IL1RAPL1: variants seen among roughly 807,000 people sequenced by gnomAD.
The protein encoded by IL1RAPL1 is interleukin 1 receptor accessory protein like 1.
Under a neutral mutation model 48.4 loss-of-function variants are expected in IL1RAPL1, and 3 were observed. That is an observed-to-expected ratio of 0.06 (90% CI 0.03 to 0.16). The LOEUF (loss-of-function observed/expected upper bound fraction) is 0.16, where lower values mean the gene tolerates loss of function less well. Among genes scored for constraint, IL1RAPL1 ranks in the 10% least tolerant of loss-of-function variants. IL1RAPL1 has a pLI of 1.00. For missense variants in IL1RAPL1, 349 were observed against 530.6 expected (o/e 0.66, Z 3.36); for synonymous variants, 185 against 187.7 (o/e 0.99, Z 0.12).
chrX:29,679,646 T>TA (rs557925499), intron 6 of IL1RAPL1, among the ~76,000 whole-genome samples: 9 of 111,972 alleles, frequency 8.0e-5, no homozygotes, highest in East Asian at 2.8e-4. Context: ...ATTATTATTT[T>TA]AAAAAAAACC....
chrX:29,538,094 G>A (rs939978160), intron 5 of IL1RAPL1, among the ~76,000 whole-genome samples: 1 of 108,434 alleles, frequency 9.2e-6, no homozygotes, highest in African/African-American at 3.3e-5. Flanking sequence ...GAGATAGCTG[G>A]GAAAATAGTT....
At chrX:29,569,043 C>T (rs1007905772) in intron 5 of IL1RAPL1, among the ~76,000 whole-genome samples, 6 of 111,045 alleles carry the variant, frequency 5.4e-5, no homozygotes, top group Non-Finnish European at 9.5e-5. Context: ...GCAATTTATG[C>T]CCTCCCTTCT....
At position 28,814,341 on chromosome X, in the gene IL1RAPL1, T is replaced by TTGTGTGTGTGTG. The variant is rs753090480; in HGVS notation, c.82+24944_82+24955dup. On this transcript the variant is annotated intron_variant, in intron 2 of 10. Coordinates refer to ENST00000378993, the MANE Select transcript of IL1RAPL1 (RefSeq NM_014271.4). Reference sequence around the variant, plus strand: ...TATTCCTTTGGGGCAATTTTCAGGTTTGTGTGTGTGTGTGTGTGTGTGTGT... The same window carrying TTGTGTGTGTGTG: ...TATTCCTTTGGGGCAATTTTCAGGTTTGTGTGTGTGTGTGTGTGTGTGTGTGTGTGTGTGTGT... Among the ~76,000 whole-genome samples, 467 of 89,659 alleles carry TTGTGTGTGTGTG rather than the reference T, an allele frequency of 5.2e-3. 3 individuals are homozygous for TTGTGTGTGTGTG. Among genetic ancestry groups the TTGTGTGTGTGTG allele is most frequent in the Non-Finnish European group, 7.3e-3 (330 of 45,403 alleles). 77.9% of individuals were successfully genotyped at this position (89,659 alleles called of 115,157 possible).
chrX:29,856,842 A>G (rs751787085), intron 6 of IL1RAPL1, among the ~76,000 whole-genome samples: 61 of 112,256 alleles, frequency 5.4e-4, no homozygotes, highest in Admixed American at 1.5e-3. Flanking sequence ...GCATAAGTGT[A>G]TATTGCATTA....
intron 1 of IL1RAPL1, among the ~76,000 whole-genome samples, chrX:28,665,391 TTAAAA>T (rs1569148051): frequency 8.9e-6 from 1 of 112,401 alleles, no homozygotes; most frequent in Non-Finnish European, 1.9e-5. Context: ...TATATTTATA[TTAAAA>T]TAAAATTACT....
chrX:29,868,427 G>C (rs1446403750), intron 6 of IL1RAPL1, among the ~76,000 whole-genome samples: 1 of 111,994 alleles, frequency 8.9e-6, no homozygotes, highest in East Asian at 2.8e-4. Context: ...CTTTTACACT[G>C]TGAGGCACCC....
chrX:29,293,560 T>C (rs1008166240), intron 3 of IL1RAPL1, among the ~76,000 whole-genome samples: 1 of 111,977 alleles, frequency 8.9e-6, no homozygotes, highest in African/African-American at 3.2e-5. Context: ...TGAGATTTTA[T>C]GTAGTCTTTT....
chrX:29,642,715 C>A (rs974170997), intron 5 of IL1RAPL1, among the ~76,000 whole-genome samples: 2 of 112,160 alleles, frequency 1.8e-5, no homozygotes, highest in African/African-American at 6.5e-5. Flanking sequence ...AGGCTCTAGA[C>A]CAATCATTTC....
At chrX:29,588,796 T>C (rs1923269993) in intron 5 of IL1RAPL1, among the ~76,000 whole-genome samples, 1 of 112,209 alleles carries the variant, frequency 8.9e-6, no homozygotes, top group Non-Finnish European at 1.9e-5. Context: ...TCTGGTAAGT[T>C]ATATTAATGT....
At chrX:29,158,682 G>A (rs936707991) in intron 2 of IL1RAPL1, among the ~76,000 whole-genome samples, 10 of 111,020 alleles carry the variant, frequency 9.0e-5, no homozygotes, top group African/African-American at 1.6e-4. Flanking sequence ...ACCTGGGCTG[G>A]TGCTGATATT....
chrX:28,686,997 T>G, intron 1 of IL1RAPL1, among the ~76,000 whole-genome samples: 1 of 112,306 alleles, frequency 8.9e-6, no homozygotes, highest in South Asian at 3.7e-4. Flanking sequence ...TTTTAGAGCT[T>G]ATAAAGAAAC....
chrX:29,172,589 AC>A (rs1363026549), intron 2 of IL1RAPL1, among the ~76,000 whole-genome samples: 1 of 111,999 alleles, frequency 8.9e-6, no homozygotes, highest in African/African-American at 3.2e-5. Flanking sequence ...CTAATACAAT[AC>A]AATTAACATG....
chrX:29,031,467 G>A (rs1380947514), intron 2 of IL1RAPL1, among the ~76,000 whole-genome samples: 1 of 111,926 alleles, frequency 8.9e-6, no homozygotes, highest in Non-Finnish European at 1.9e-5. Flanking sequence ...GGAAGATGGA[G>A]AAGAGTGGTC....
At chrX:29,373,821 AT>A (rs200069550) in intron 3 of IL1RAPL1, among the ~76,000 whole-genome samples, 1 of 42,012 alleles carries the variant, frequency 2.4e-5, no homozygotes, top group South Asian at 7.4e-4. Context: ...ATTTGTTTTT[AT>A]TTTTTTTAAT....
rs191909682 is a variant in IL1RAPL1 at position 29,274,128 on chromosome X, C to T, written c.83-8810C>T. ...CTATGAAAATGAAGAAGTACTAAACCGATAACATGGATGGATATTATTATA... is the reference window on the plus strand; with the variant it reads ...CTATGAAAATGAAGAAGTACTAAACTGATAACATGGATGGATATTATTATA... On this transcript the variant is annotated intron_variant, in intron 2 of 10. Transcript: ENST00000378993. 8.4e-3 allele frequency among the ~76,000 whole-genome samples: 931 copies of T among 110,638 alleles called. 12 individuals are homozygous for T. The highest frequency in any genetic ancestry group is 0.029 in the African/African-American group (894 of 30,392).
chrX:29,544,649 T>C (rs766811198), intron 5 of IL1RAPL1, among the ~76,000 whole-genome samples: 14 of 111,461 alleles, frequency 1.3e-4, no homozygotes, highest in Admixed American at 2.9e-4. Context: ...AGCAATATGT[T>C]TTAATTGCCT....
intron 1 of IL1RAPL1, among the ~76,000 whole-genome samples, chrX:28,706,836 A>G (rs1223162346): frequency 8.9e-6 from 1 of 112,226 alleles, no homozygotes. Context: ...AGTGTTTTAA[A>G]TTATGTACCA....
intron 3 of IL1RAPL1, among the ~76,000 whole-genome samples, chrX:29,370,771 A>G (rs1933532834): frequency 9.0e-6 from 1 of 111,076 alleles, no homozygotes; most frequent in South Asian, 3.7e-4. Flanking sequence ...ATTTACATAT[A>G]TGAAAAGATG....
intron 1 of IL1RAPL1, among the ~76,000 whole-genome samples, chrX:28,769,151 GTA>G (rs1255246182): frequency 1.8e-5 from 2 of 109,020 alleles, no homozygotes; most frequent in African/African-American, 3.3e-5. Context: ...GTGTTTGTGT[GTA>G]TGTGTGTGTG....
Sources: gnomAD v4.1 joint callset for allele counts (sites outside exome capture counted in the v4.1 genomes callset) on GRCh38, gnomAD v4.1.1 for gene constraint, MANE v1.5 for transcripts, NCBI Gene and HGNC (gene_info 2026-07-23, HGNC 2026-07-21) for gene names.